Variants in DCAF1 observed in about 807,000 individuals in gnomAD.
DCAF1 encodes DDB1 and CUL4 associated factor 1, also known as DDB1- and CUL4-associated factor 1.
A neutral mutation model predicts 128.0 loss-of-function variants in DCAF1; 15 were observed. The ratio of observed to expected loss-of-function variants is 0.12; its 90% CI spans 0.08 to 0.18. The LOEUF (loss-of-function observed/expected upper bound fraction) is 0.18. Ranked by LOEUF, DCAF1 falls within the 10% of genes least tolerant of loss-of-function variation. DCAF1 has a pLI of 1.00. For missense variants in DCAF1, 988 were observed against 1,649.5 expected (o/e 0.60, Z 6.95); for synonymous variants, 610 against 603.0 (o/e 1.01, Z -0.17).
At chr3:51,465,189 G>C (rs1352359916) in intron 5 of DCAF1, among the ~76,000 whole-genome samples, 1 of 152,204 alleles carries the variant, frequency 6.6e-6, no homozygotes, top group East Asian at 1.9e-4. Flanking sequence ...AGTTTAAGGT[G>C]AAGGGAGTAA....
At chr3:51,452,942 G>C (rs1702506521) in intron 6 of DCAF1, among the ~76,000 whole-genome samples, 1 of 150,228 alleles carries the variant, frequency 6.7e-6, no homozygotes, top group African/African-American at 2.5e-5. Flanking sequence ...CTTGAACCCA[G>C]GAGGTGGAGG....
chr3:51,495,570 T>C (rs915369611), intron 2 of DCAF1, among the ~76,000 whole-genome samples: 2 of 151,144 alleles, frequency 1.3e-5, no homozygotes, highest in Admixed American at 6.6e-5. Flanking sequence ...TAACTAATAA[T>C]AGCAATGTGA....
In DCAF1 at chr3:51,453,204, C is replaced by T. The variant is rs1284760733; in HGVS notation, c.376-9301G>A. 3.3e-5 allele frequency among the ~76,000 whole-genome samples: 5 copies of T among 152,164 alleles called. No individual in the cohort carries two copies. In the East Asian group the frequency reaches 9.6e-4, roughly 29 times the overall value. Reference sequence around the variant, plus strand: ...CTATAAATGATATTGCAAATTATAACGTTAATCACAACGTTATTCTCTAAA... The same window carrying T: ...CTATAAATGATATTGCAAATTATAATGTTAATCACAACGTTATTCTCTAAA... On this transcript the variant is annotated intron_variant, in intron 6 of 24. Transcript: ENST00000684031.
intron 13 of DCAF1, among the ~76,000 whole-genome samples, chr3:51,425,448 G>T (rs1422137452): frequency 6.6e-6 from 1 of 151,624 alleles, no homozygotes. Context: ...CTCCAGCCTG[G>T]GCAACAGAGC....
chr3:51,412,923 C>T, intron 22 of DCAF1, 70 bp downstream of exon 22: 1 of 1,587,924 alleles, frequency 6.3e-7, no homozygotes, highest in Non-Finnish European at 8.6e-7. Flanking sequence ...GACAAAATGT[C>T]TGTAGTACAA....
chr3:51,455,521 G>C (rs1702801024), intron 6 of DCAF1, among the ~76,000 whole-genome samples: 1 of 152,008 alleles, frequency 6.6e-6, no homozygotes, highest in Non-Finnish European at 1.5e-5. Flanking sequence ...TGGGAGAACA[G>C]CTTAAGCCCA....
intron 24 of DCAF1, among the ~76,000 whole-genome samples, chr3:51,402,114 A>C (rs2089745327): frequency 6.6e-6 from 1 of 152,238 alleles, no homozygotes; most frequent in South Asian, 2.1e-4. Context: ...ACCTAATGGG[A>C]AATAACTAGA....
At chr3:51,461,318 C>T (rs201778757) in intron 6 of DCAF1, among the ~76,000 whole-genome samples, 1 of 151,978 alleles carries the variant, frequency 6.6e-6, no homozygotes, top group South Asian at 2.1e-4. Flanking sequence ...AAAATGCTCA[C>T]CATCACTGGC....
intron 3 of DCAF1, among the ~76,000 whole-genome samples, chr3:51,481,752 A>C (rs1488513994): frequency 6.6e-6 from 1 of 152,102 alleles, no homozygotes; most frequent in African/African-American, 2.4e-5. Context: ...GCACTTTGAG[A>C]GGCCGAGGCA....
At chr3:51,432,094 A>G (rs1189125673) in intron 10 of DCAF1, among the ~76,000 whole-genome samples, 1 of 151,516 alleles carries the variant, frequency 6.6e-6, no homozygotes, top group Non-Finnish European at 1.5e-5. Flanking sequence ...AACGTGCTGA[A>G]ACTCTGTCTT....
At chr3:51,499,162 T>C (rs1553662834) in intron 1 of DCAF1, among the ~76,000 whole-genome samples, 1 of 152,168 alleles carries the variant, frequency 6.6e-6, no homozygotes, top group African/African-American at 2.4e-5. Flanking sequence ...GTCTAAGAAG[T>C]GAAGTTGTTA....
At chr3:51,456,656 C>G (rs1263891707) in intron 6 of DCAF1, among the ~76,000 whole-genome samples, 1 of 152,162 alleles carries the variant, frequency 6.6e-6, no homozygotes, top group Non-Finnish European at 1.5e-5. Context: ...AACTGGGAGG[C>G]ACCCCCCAGT....
downstream of DCAF1, chr3:51,395,972 G>GCC: frequency 2.4e-6 from 1 of 413,434 alleles, no homozygotes; most frequent in Non-Finnish European, 4.4e-6. Context: ...AGCAGGACAC[G>GCC]CCACCATTCC....
chr3:51,449,590 C>T (rs1553641026), intron 6 of DCAF1, among the ~76,000 whole-genome samples: 3 of 151,990 alleles, frequency 2.0e-5, no homozygotes, highest in African/African-American at 7.3e-5. Flanking sequence ...CCTAACTATG[C>T]CTTATGCCAT....
rs1553632143 is a variant in DCAF1, at chr3:51,420,421, A to G, written c.2549T>C (p.Leu850Pro). The G allele has an allele frequency of 6.2e-7, 1 of 1,614,058 alleles. No homozygotes were observed. Among genetic ancestry groups the G allele is most frequent in the Non-Finnish European group, 8.5e-7 (1 of 1,179,900 alleles). ...QSRISFPEKE[L>P]LLLIRNHLIS... is the part of the protein sequence containing the mutation. The stretch of plus-strand genomic sequence containing the variant: ...AAGATGGTTTCGTATCAACAAAAGC[A>G]GCTCTTTCTCAGGGAAGGAGATCCT... Residue 850 changes from leucine (L) to proline (P), a missense_variant, in exon 15 of 25, where the codon CTG (leucine) becomes CCG (proline). Transcript: ENST00000684031. This position sits in a 1 kb window ranked among gnomAD's most constrained non-coding sequence, Gnocchi z 6.5.
chr3:51,431,908 C>A (rs1452660860), intron 10 of DCAF1, among the ~76,000 whole-genome samples: 4 of 151,674 alleles, frequency 2.6e-5, no homozygotes, highest in South Asian at 4.2e-4. Flanking sequence ...GAGGTCAAGG[C>A]TACAGTGGGC....
At chr3:51,482,596 C>G (rs1706344587) in intron 3 of DCAF1, among the ~76,000 whole-genome samples, 1 of 75,740 alleles carries the variant, frequency 1.3e-5, no homozygotes, top group Non-Finnish European at 2.4e-5. Context: ...GAAACCCCGT[C>G]TCTACTAAAA....
chr3:51,429,763 T>C (rs1338054950), intron 11 of DCAF1, among the ~76,000 whole-genome samples: 2 of 152,090 alleles, frequency 1.3e-5, no homozygotes, highest in African/African-American at 4.8e-5. Context: ...AATAAAACTA[T>C]TGCTTTTACA....
rs57475291 is a variant in DCAF1 at position 51,483,609 on chromosome 3, TTGTGTGTG to T, written c.110+102_110+109del. ...AATTTTTGCTTCTTTTTAAACTAGTTTGTGTGTGTGTGTGTGTGTGTGTGTGTGTGTGT... is the reference window on the plus strand; with the variant it reads ...AATTTTTGCTTCTTTTTAAACTAGTTTGTGTGTGTGTGTGTGTGTGTGTGT... On this transcript the variant is annotated intron_variant, in intron 3 of 24. Transcript: ENST00000684031. 119 of 475,838 alleles carry T rather than the reference TTGTGTGTG, an allele frequency of 2.5e-4. 1 individual carries two copies. Among genetic ancestry groups the T allele is most frequent in the South Asian group, 1.7e-3 (53 of 30,650 alleles). 29.5% of individuals were successfully genotyped at this position (475,838 alleles called of 1,614,324 possible).
Sources: allele counts gnomAD v4.1 joint callset (sites outside exome capture counted in the v4.1 genomes callset), GRCh38; gene constraint gnomAD v4.1.1; non-coding constraint Gnocchi (gnomAD v3.1); transcripts MANE v1.5; gene names NCBI Gene and HGNC (gene_info 2026-07-23, HGNC 2026-07-21).